The following RNF115 variants were observed in gnomAD, a reference collection of about 807,000 sequenced individuals.
RNF115 encodes the protein ring finger protein 115, also known as E3 ubiquitin-protein ligase RNF115.
A neutral mutation model predicts 39.2 loss-of-function variants in RNF115; 31 were observed. The ratio of observed to expected loss-of-function variants is 0.79; its 90% CI spans 0.59 to 1.07. The LOEUF (loss-of-function observed/expected upper bound fraction) is 1.07, where lower values mean the gene tolerates loss of function less well. Ranked by LOEUF, RNF115 falls within the 50% of genes least tolerant of loss-of-function variation. The pLI, the probability that RNF115 is intolerant of heterozygous loss-of-function variation, is 0.00. For missense variants in RNF115, 384 were observed against 381.7 expected, an observed-to-expected ratio of 1.01 and a Z score of -0.05; for synonymous variants, 124 against 131.0, an observed-to-expected ratio of 0.95 and a Z score of 0.37.
In RNF115 at chr1:145,823,905, C is replaced by T. The variant is rs1009567958; in HGVS notation, c.-32G>A. On this transcript the variant is annotated 5_prime_UTR_variant, in exon 1 of 9. Transcript: ENST00000582693. ...CCTCCGCCGCGGCCGTCCGAGAGGG[C>T]AGCCGGCCCGTCCCTCGCCAGGCCG... 7.9e-5 allele frequency: 115 copies of T among 1,455,708 alleles called. No homozygotes were observed. Among genetic ancestry groups the T allele is most frequent in the Middle Eastern group, 7.0e-4 (3 of 4,262 alleles). 90.2% of individuals were successfully genotyped at this position (1,455,708 alleles called of 1,614,324 possible). A position where few individuals can be genotyped will look rare whatever the true frequency, so the allele number is the denominator to read the frequency against.
intron 4 of RNF115, among the ~76,000 whole-genome samples, chr1:145,763,514 A>G (rs1553714145): frequency 6.6e-6 from 1 of 152,210 alleles, no homozygotes; most frequent in African/African-American, 2.4e-5. Context: ...CCTGGCCAAC[A>G]TGGCAAAACC....
rs1553718527 is a variant in RNF115 at position 145,788,914 on chromosome 1, T to C, written c.155A>G (p.Asp52Gly). 6.3e-7 allele frequency: 1 copy of C among 1,593,824 alleles called. No homozygotes were observed. The highest frequency in any genetic ancestry group is 1.1e-5 in the South Asian group (1 of 90,712). ...ESGFIEEVTD[D>G]SSFLGGGGSR... ...TCATGAGCTTGTACAATACCTGGAA[T>C]CATCTGTCACTTCTTCAATAAAGCC... The change falls in exon 2 of 9, where the codon GAT becomes GGT. Residue 52 changes from aspartate (D) to glycine (G), a missense_variant. Transcript: ENST00000582693.
At chr1:145,806,733 AG>A (rs1649480315) in intron 1 of RNF115, among the ~76,000 whole-genome samples, 1 of 152,176 alleles carries the variant, frequency 6.6e-6, no homozygotes, top group Non-Finnish European at 1.5e-5. Flanking sequence ...AAGCTTCCTG[AG>A]GTCCCACCAG....
chr1:145,786,190 G>T (rs1391920856), intron 2 of RNF115, among the ~76,000 whole-genome samples: 1 of 152,166 alleles, frequency 6.6e-6, no homozygotes, highest in Non-Finnish European at 1.5e-5. Context: ...CCACCACATT[G>T]TTCTGAGAAA....
chr1:145,786,691 A>T (rs1206096992), intron 2 of RNF115, among the ~76,000 whole-genome samples: 1 of 152,252 alleles, frequency 6.6e-6, no homozygotes, highest in African/African-American at 2.4e-5. Context: ...GGCAAAAGAT[A>T]AGCCCATTAA....
At chr1:145,809,698 T>G (rs1649613698) in intron 1 of RNF115, among the ~76,000 whole-genome samples, 2 of 108,998 alleles carry the variant, frequency 1.8e-5, no homozygotes, top group Non-Finnish European at 3.7e-5. Context: ...TTCACCATGT[T>G]GATCAGGTTG....
chr1:145,788,776 A>T (rs1553718494), intron 2 of RNF115, 132 bp downstream of exon 2: 6 of 745,896 alleles, frequency 8.0e-6, no homozygotes, highest in African/African-American at 3.4e-5. Context: ...TCATGCACTC[A>T]CTCTCTCTCT....
At chr1:145,785,289 A>T in intron 2 of RNF115, among the ~76,000 whole-genome samples, 1 of 152,324 alleles carries the variant, frequency 6.6e-6, no homozygotes, top group South Asian at 2.1e-4. Context: ...GAAGGCAAAG[A>T]CTGCAATTTA....
intron 4 of RNF115, among the ~76,000 whole-genome samples, chr1:145,770,361 G>A (rs1016133439): frequency 6.6e-6 from 1 of 152,148 alleles, no homozygotes; most frequent in Admixed American, 6.5e-5. Context: ...TGTGTTGGGG[G>A]AAAGGGGGAG....
intron 1 of RNF115, among the ~76,000 whole-genome samples, chr1:145,809,110 G>C (rs1649584572): frequency 6.6e-6 from 1 of 151,982 alleles, no homozygotes; most frequent in Admixed American, 6.6e-5. Context: ...CTAATGGCAA[G>C]TGGTCCATCA....
At chr1:145,804,353 G>A (rs1365100001) in intron 1 of RNF115, among the ~76,000 whole-genome samples, 1 of 152,122 alleles carries the variant, frequency 6.6e-6, no homozygotes, top group Non-Finnish European at 1.5e-5. Context: ...ACTTAGCCTC[G>A]AAATGAGAAC....
At chr1:145,766,587 C>G (rs1647287773) in intron 4 of RNF115, among the ~76,000 whole-genome samples, 1 of 151,534 alleles carries the variant, frequency 6.6e-6, no homozygotes, top group Admixed American at 6.6e-5. Flanking sequence ...AGAGGCGCCC[C>G]TCACCTCCCG....
Position 145,750,494 on chromosome 1 carries a change from C to G in RNF115, c.580G>C (p.Gly194Arg). The change falls in exon 7 of 9, where the codon GGA (glycine) becomes CGA (arginine). Residue 194 changes from glycine (G) to arginine (R), a missense_variant. Gly to Arg is a moderately radical substitution (Grantham distance 125). Coordinates refer to ENST00000582693, the MANE Select transcript of RNF115 (RefSeq NM_014455.4). Reference sequence around the variant, plus strand: ...GGAGGGCCTGTGTTTTCCAGTTGTCCTAAAAGCTACAAAAAAAGAGAAAGA... The same window carrying G: ...GGAGGGCCTGTGTTTTCCAGTTGTCGTAAAAGCTACAAAAAAAGAGAAAGA... ...GLDAIVTQLL[G>R]QLENTGPPPA... is the part of the protein sequence containing the mutation. 6.2e-7 allele frequency: 1 copy of G among 1,613,134 alleles called. No homozygotes were observed. Among genetic ancestry groups the G allele is most frequent in the African/African-American group, 1.3e-5 (1 of 74,902 alleles).
At chr1:145,755,782 T>C (rs782342107) in intron 4 of RNF115, among the ~76,000 whole-genome samples, 3 of 151,610 alleles carry the variant, frequency 2.0e-5, no homozygotes, top group Non-Finnish European at 4.4e-5. Flanking sequence ...AGGTGAGAGA[T>C]TAAGAAAAGG....
Position 145,788,922 on chromosome 1 carries a change from C to T in RNF115, c.147G>A (p.Val49=). ...PRCESGFIEE[V]TDDSSFLGGG... The stretch of plus-strand genomic sequence containing the variant: ...TTGTACAATACCTGGAATCATCTGT[C>T]ACTTCTTCAATAAAGCCTGATTCAC... The change falls in exon 2 of 9, where the codon GTG becomes GTA. Residue 49 remains valine, a synonymous_variant. Coordinates refer to ENST00000582693, the MANE Select transcript of RNF115 (RefSeq NM_014455.4). 6.3e-7 allele frequency: 1 copy of T among 1,598,750 alleles called. No individual in the cohort carries two copies. The highest frequency in any genetic ancestry group is 8.6e-7 in the Non-Finnish European group (1 of 1,168,706).
Position 145,821,992 on chromosome 1 carries a change from A to G in RNF115, c.102+1780T>C, listed in dbSNP as rs1359813029. ...TTCCCAGCACTGAAATATGGCCAAAAAAAAAAACATAAACACACAGCAAAA... is the reference window on the plus strand; with the variant it reads ...TTCCCAGCACTGAAATATGGCCAAAGAAAAAAACATAAACACACAGCAAAA... On this transcript the variant is annotated intron_variant, in intron 1 of 8. Transcript: ENST00000582693. Among the ~76,000 whole-genome samples the G allele has an allele frequency of 7.3e-5, 11 of 151,510 alleles. No homozygotes were observed. The South Asian group carries it at 8.3e-4, about 11-fold the overall frequency.
At position 145,746,975 on chromosome 1, in the gene RNF115, C is replaced by T. The variant is rs1553711826; in HGVS notation, c.806G>A (p.Arg269Lys). 1 of 1,613,846 alleles carries T rather than the reference C, an allele frequency of 6.2e-7. No individual in the cohort carries two copies. Among genetic ancestry groups the T allele is most frequent in the Non-Finnish European group, 8.5e-7 (1 of 1,179,864 alleles). ...LELHDTCPVC[R>K]KSLNGEDSTR... ...AGAGTCCTCACCATTTAAGCTCTTCCTACATACAGGACATGTGTCATGCTG... is the reference window on the plus strand; with the variant it reads ...AGAGTCCTCACCATTTAAGCTCTTCTTACATACAGGACATGTGTCATGCTG... The change falls in exon 9 of 9, where the codon AGG (arginine) becomes AAG (lysine). Residue 269 changes from arginine to lysine, a missense_variant. Arg to Lys is a conservative substitution (Grantham distance 26, BLOSUM62 2). Transcript: ENST00000582693.
chr1:145,741,467 T>C lies in RNF115; in HGVS notation c.*5399A>G, dbSNP rs1428257418. The C allele has an allele frequency of 6.6e-6, 1 of 152,196 alleles. No individual in the cohort carries two copies. The highest frequency in any genetic ancestry group is 2.4e-5 in the African/African-American group (1 of 41,434). 9.4% of individuals were successfully genotyped at this position (152,196 alleles called of 1,614,324 possible). ...CACCAGCTGTATACATTGTATTCTATGCATTCTATTTTAAACCCCTGGAGC... is the reference window on the plus strand; with the variant it reads ...CACCAGCTGTATACATTGTATTCTACGCATTCTATTTTAAACCCCTGGAGC... On this transcript the variant is annotated 3_prime_UTR_variant, in exon 9 of 9. Transcript: ENST00000582693.
At chr1:145,775,314 A>G (rs1360372015) in intron 3 of RNF115, among the ~76,000 whole-genome samples, 1 of 152,174 alleles carries the variant, frequency 6.6e-6, no homozygotes, top group Non-Finnish European at 1.5e-5. Context: ...ACTTAGACAT[A>G]GTAAGAAATT....
Sources: gnomAD v4.1 joint callset for allele counts (sites outside exome capture counted in the v4.1 genomes callset) on GRCh38, gnomAD v4.1.1 for gene constraint, MANE v1.5 for transcripts, NCBI Gene and HGNC (gene_info 2026-07-23, HGNC 2026-07-21) for gene names.